The following SUGCT variants were observed in gnomAD, a reference collection of about 807,000 sequenced individuals.
The protein encoded by SUGCT is succinyl-CoA:glutarate CoA-transferase.
In SUGCT, 41 loss-of-function variants were observed where a neutral mutation model predicts 55.0. That is an observed-to-expected ratio of 0.74 (90% CI 0.58 to 0.97). SUGCT has a LOEUF of 0.97. Ranked by LOEUF, SUGCT falls within the 50% of genes least tolerant of loss-of-function variation. The pLI is 0.00. For synonymous variants in SUGCT, 187 were observed against 200.4 expected (o/e 0.93, Z 0.56); for missense variants, 568 against 547.8 (o/e 1.04, Z -0.37).
the SUGCT span, among the ~76,000 whole-genome samples, chr7:40,989,479 A>G: frequency 6.6e-6 from 1 of 152,064 alleles, no homozygotes; most frequent in Admixed American, 6.6e-5. Context: ...ATAAGAAACA[A>G]CTCCTTGGCT....
At chr7:40,818,936 G>A (rs1306687119) in intron 13 of SUGCT, among the ~76,000 whole-genome samples, 1 of 120,320 alleles carries the variant, frequency 8.3e-6, no homozygotes, top group African/African-American at 3.4e-5. Context: ...AGGCCCCAGT[G>A]TGTGATGTTC....
At chr7:40,318,107 A>G (rs1417997563) in intron 9 of SUGCT, among the ~76,000 whole-genome samples, 1 of 152,250 alleles carries the variant, frequency 6.6e-6, no homozygotes, top group Non-Finnish European at 1.5e-5. Flanking sequence ...TGAATTGGTT[A>G]GAGATCATCA....
At chr7:40,926,058 G>A in the SUGCT span, among the ~76,000 whole-genome samples, 4 of 151,648 alleles carry the variant, frequency 2.6e-5, no homozygotes, top group Non-Finnish European at 4.4e-5. Flanking sequence ...CCATGATCAC[G>A]CCACTGCACT....
At chr7:40,409,011 T>C (rs1168470787) in intron 9 of SUGCT, among the ~76,000 whole-genome samples, 1 of 152,212 alleles carries the variant, frequency 6.6e-6, no homozygotes, top group Non-Finnish European at 1.5e-5. Flanking sequence ...CTGGAAGCTG[T>C]GGTGCAGTCA....
intron 7 of SUGCT, among the ~76,000 whole-genome samples, chr7:40,240,511 AAT>A (rs1158919561): frequency 2.6e-5 from 4 of 152,018 alleles, no homozygotes; most frequent in African/African-American, 9.7e-5. Context: ...GAATCAGAAG[AAT>A]CAGGCCATGC....
At chr7:40,726,849 C>T (rs1438375293) in intron 12 of SUGCT, among the ~76,000 whole-genome samples, 3 of 152,024 alleles carry the variant, frequency 2.0e-5, no homozygotes, top group South Asian at 2.1e-4. Context: ...GGTTAGTACC[C>T]GTAGCCAAAG....
At chr7:40,650,498 A>G (rs1198383900) in intron 12 of SUGCT, among the ~76,000 whole-genome samples, 1 of 152,064 alleles carries the variant, frequency 6.6e-6, no homozygotes, top group Non-Finnish European at 1.5e-5. Flanking sequence ...CTCCCTGTGT[A>G]TATGTTTTGT....
At chr7:40,796,898 G>A (rs1356920515) in intron 13 of SUGCT, among the ~76,000 whole-genome samples, 1 of 152,192 alleles carries the variant, frequency 6.6e-6, no homozygotes, top group African/African-American at 2.4e-5. Flanking sequence ...GTTAGTGAAG[G>A]TCAGCCCGAG....
intron 13 of SUGCT, among the ~76,000 whole-genome samples, chr7:40,786,244 G>T (rs1411262889): frequency 2.0e-5 from 3 of 152,198 alleles, no homozygotes; most frequent in Non-Finnish European, 4.4e-5. Flanking sequence ...ATAATACACT[G>T]ATACCACAGT....
chr7:40,217,006 AT>A (rs1421704184), intron 6 of SUGCT, among the ~76,000 whole-genome samples: 2 of 151,922 alleles, frequency 1.3e-5, no homozygotes, highest in East Asian at 1.9e-4. Context: ...GGATGCTGGC[AT>A]TTCCCCCCCC....
intron 12 of SUGCT, among the ~76,000 whole-genome samples, chr7:40,585,514 T>C (rs1423645437): frequency 6.6e-6 from 1 of 152,154 alleles, no homozygotes; most frequent in African/African-American, 2.4e-5. Context: ...ACAAAGTGGA[T>C]CCTCCTGCTT....
the SUGCT span, among the ~76,000 whole-genome samples, chr7:41,010,039 A>G: frequency 6.6e-6 from 1 of 152,330 alleles, no homozygotes; most frequent in East Asian, 1.9e-4. Context: ...TATTTTGTAA[A>G]GTGAATTCAG....
At chr7:40,875,466 C>T in the SUGCT span, among the ~76,000 whole-genome samples, 3 of 152,136 alleles carry the variant, frequency 2.0e-5, no homozygotes, top group Non-Finnish European at 2.9e-5. Flanking sequence ...TCTTCCATTC[C>T]AGGCTAATTC....
At chr7:40,231,759 T>TA (rs1212773350) in intron 6 of SUGCT, among the ~76,000 whole-genome samples, 2 of 152,154 alleles carry the variant, frequency 1.3e-5, no homozygotes, top group Non-Finnish European at 2.9e-5. Context: ...GGAAAGCCCT[T>TA]AAAAAGCTTT....
chr7:40,216,718 G>A (rs1787677000), intron 6 of SUGCT, among the ~76,000 whole-genome samples: 1 of 151,802 alleles, frequency 6.6e-6, no homozygotes, highest in African/African-American at 2.4e-5. Context: ...CAGGTGTGAT[G>A]GTGCATGCCT....
chr7:40,693,502 TTAAG>T (rs1784784242), intron 12 of SUGCT, among the ~76,000 whole-genome samples: 1 of 152,152 alleles, frequency 6.6e-6, no homozygotes, highest in Non-Finnish European at 1.5e-5. Flanking sequence ...GCCAGAGAGG[TTAAG>T]TAAGTTTCCT....
intron 12 of SUGCT, among the ~76,000 whole-genome samples, chr7:40,651,433 G>GT (rs367763795): frequency 2.6e-4 from 39 of 148,376 alleles, no homozygotes; most frequent in South Asian, 1.7e-3. Context: ...CTTTTTAATG[G>GT]TTTTTTTTTT....
chr7:40,224,427 TGTGC>T (rs961695146), intron 6 of SUGCT, among the ~76,000 whole-genome samples: 4 of 135,328 alleles, frequency 3.0e-5, no homozygotes, highest in African/African-American at 1.3e-4. Context: ...TGTGTGTGTG[TGTGC>T]ATGCATGTGT....
intron 6 of SUGCT, among the ~76,000 whole-genome samples, chr7:40,217,070 C>G (rs1355432665): frequency 1.3e-5 from 2 of 152,004 alleles, no homozygotes; most frequent in Admixed American, 1.3e-4. Context: ...CTGAATTTAG[C>G]AAGAGTTTGC....
Sources: allele counts gnomAD v4.1 joint callset (sites outside exome capture counted in the v4.1 genomes callset), GRCh38; gene constraint gnomAD v4.1.1; transcripts MANE v1.5; gene names NCBI Gene and HGNC (gene_info 2026-07-23, HGNC 2026-07-21).